The following GFRAL variants were observed in gnomAD, a reference collection of about 807,000 sequenced individuals.
GFRAL encodes GDNF family receptor alpha-like.
GFRAL carries 36 observed loss-of-function variants against 45.4 expected under a neutral mutation model. The observed-to-expected ratio is 0.79, with a 90% confidence interval of 0.61 to 1.05. The LOEUF is 1.05. GFRAL is among the 50% of genes least tolerant of loss of function. The pLI, the probability that GFRAL is intolerant of heterozygous loss-of-function variation, is 0.00. For synonymous variants in GFRAL, 166 were observed against 154.1 expected (o/e 1.08, Z -0.57); for missense variants, 507 against 467.5 (o/e 1.08, Z -0.78).
chr6:55,359,874 A>T (rs1370736216), intron 6 of GFRAL, among the ~76,000 whole-genome samples: 1 of 151,936 alleles, frequency 6.6e-6, no homozygotes. Flanking sequence ...TAAGGATATG[A>T]ATATTCAAGG....
chr6:55,341,057 C>T (rs1192854365), intron 3 of GFRAL, among the ~76,000 whole-genome samples: 1 of 152,222 alleles, frequency 6.6e-6, no homozygotes, highest in East Asian at 1.9e-4. Context: ...CATCGCAGCT[C>T]AAGGAGGCCT....
At chr6:55,397,259 C>T (rs1768838335) in intron 6 of GFRAL, among the ~76,000 whole-genome samples, 1 of 151,178 alleles carries the variant, frequency 6.6e-6, no homozygotes, top group South Asian at 2.1e-4. Context: ...TGGCTCACGC[C>T]TGTAATCCCA....
At chr6:55,348,348 C>T (rs1768071251) in intron 3 of GFRAL, among the ~76,000 whole-genome samples, 1 of 151,646 alleles carries the variant, frequency 6.6e-6, no homozygotes, top group African/African-American at 2.4e-5. Context: ...AATGTAATAC[C>T]TTCTATGAAG....
chr6:55,389,945 ATACT>A (rs1465259205), intron 6 of GFRAL, among the ~76,000 whole-genome samples: 9 of 152,254 alleles, frequency 5.9e-5, no homozygotes, highest in Non-Finnish European at 1.3e-4. Context: ...GCTGCATCCC[ATACT>A]TACTTTTGAG....
chr6:55,371,170 C>T (rs1302669940), intron 6 of GFRAL, among the ~76,000 whole-genome samples: 1 of 152,082 alleles, frequency 6.6e-6, no homozygotes, highest in Non-Finnish European at 1.5e-5. Flanking sequence ...ATAACTTTTG[C>T]TATCTATAAT....
intron 3 of GFRAL, among the ~76,000 whole-genome samples, chr6:55,345,576 A>G (rs1431623003): frequency 1.3e-5 from 2 of 152,194 alleles, no homozygotes; most frequent in Non-Finnish European, 1.5e-5. Flanking sequence ...TGTTAGACCT[A>G]CAACCATAAA....
At chr6:55,346,658 T>A (rs1488741758) in intron 3 of GFRAL, among the ~76,000 whole-genome samples, 1 of 152,072 alleles carries the variant, frequency 6.6e-6, no homozygotes, top group African/African-American at 2.4e-5. Flanking sequence ...AACCTGCACG[T>A]TGTGCACATG....
chr6:55,367,340 C>T (rs1331795030), intron 6 of GFRAL, among the ~76,000 whole-genome samples: 1 of 142,642 alleles, frequency 7.0e-6, no homozygotes, highest in Admixed American at 6.9e-5. Flanking sequence ...GGTGTCTCTG[C>T]ACGTGAGATG....
At chr6:55,339,355 TA>T (rs541832857) in intron 3 of GFRAL, among the ~76,000 whole-genome samples, 4 of 151,894 alleles carry the variant, frequency 2.6e-5, no homozygotes, top group Non-Finnish European at 5.9e-5. Context: ...TTTGCAATGA[TA>T]AAAAAATAGT....
At chr6:55,393,618 T>C (rs1434079810) in intron 6 of GFRAL, among the ~76,000 whole-genome samples, 1 of 151,904 alleles carries the variant, frequency 6.6e-6, no homozygotes, top group Non-Finnish European at 1.5e-5. Flanking sequence ...GTTTAATGTG[T>C]TTGGCAAACT....
At chr6:55,383,952 T>G (rs1768647044) in intron 6 of GFRAL, among the ~76,000 whole-genome samples, 1 of 152,056 alleles carries the variant, frequency 6.6e-6, no homozygotes, top group Non-Finnish European at 1.5e-5. Context: ...CATACACTAC[T>G]GTTAACTCCA....
chr6:55,383,470 T>A (rs2127363717), intron 6 of GFRAL, among the ~76,000 whole-genome samples: 1 of 152,120 alleles, frequency 6.6e-6, no homozygotes, highest in Non-Finnish European at 1.5e-5. Context: ...ACCTTCTCTA[T>A]GTTTAGGTAC....
intron 6 of GFRAL, among the ~76,000 whole-genome samples, chr6:55,373,567 T>C (rs753137579): frequency 4.1e-4 from 62 of 152,278 alleles, no homozygotes; most frequent in Non-Finnish European, 6.8e-4. Flanking sequence ...CCTTATTTCT[T>C]TCCTTCCTCA....
intron 6 of GFRAL, among the ~76,000 whole-genome samples, chr6:55,386,189 C>T (rs1243275561): frequency 6.6e-6 from 1 of 152,016 alleles, no homozygotes; most frequent in East Asian, 1.9e-4. Flanking sequence ...TCCAGATTAC[C>T]TTTTATTGCT....
At chr6:55,329,254 A>G (rs1767800804) in intron 1 of GFRAL, among the ~76,000 whole-genome samples, 1 of 152,076 alleles carries the variant, frequency 6.6e-6, no homozygotes, top group Non-Finnish European at 1.5e-5. Flanking sequence ...GGAAAATCCT[A>G]TAAAATAATC....
chr6:55,383,092 A>G (rs1768633343), intron 6 of GFRAL, among the ~76,000 whole-genome samples: 1 of 151,948 alleles, frequency 6.6e-6, no homozygotes, highest in African/African-American at 2.4e-5. Context: ...AACTGGGGCT[A>G]TTAGTTGCAA....
At chr6:55,355,291 C>T (rs1166970516) in intron 5 of GFRAL, among the ~76,000 whole-genome samples, 2 of 151,798 alleles carry the variant, frequency 1.3e-5, no homozygotes, top group African/African-American at 2.4e-5. Flanking sequence ...AACCATGGCT[C>T]ATGCGTACCT....
intron 6 of GFRAL, among the ~76,000 whole-genome samples, chr6:55,393,879 TGA>T (rs1276124348): frequency 2.8e-3 from 422 of 152,302 alleles, no homozygotes; most frequent in Middle Eastern, 6.8e-3. Flanking sequence ...TAGATAATCC[TGA>T]TTGCTTTCCT....
chr6:55,370,581 G>C (rs1204271957), intron 6 of GFRAL, among the ~76,000 whole-genome samples: 3 of 152,008 alleles, frequency 2.0e-5, no homozygotes, highest in African/African-American at 7.2e-5. Flanking sequence ...CATTTTTCTT[G>C]ATACACACAT....
Sources: gnomAD v4.1 joint callset for allele counts (sites outside exome capture counted in the v4.1 genomes callset) on GRCh38, gnomAD v4.1.1 for gene constraint, MANE v1.5 for transcripts, NCBI Gene and HGNC (gene_info 2026-07-23, HGNC 2026-07-21) for gene names.